The following TAFA4 variants were observed in gnomAD, a reference collection of about 807,000 sequenced individuals.
The protein encoded by TAFA4 is TAFA chemokine like family member 4, also known as chemokine-like protein TAFA-4.
A neutral mutation model predicts 21.1 loss-of-function variants in TAFA4; 20 were observed. The ratio of observed to expected loss-of-function variants is 0.95; its 90% CI spans 0.67 to 1.38. The LOEUF is 1.38. Among genes scored for constraint, TAFA4 ranks in the 40% most tolerant of loss-of-function variants. The probability of loss-of-function intolerance (pLI) is 0.00; values close to 1 mark genes in which losing one functional copy is unlikely to be tolerated. For synonymous variants in TAFA4, 71 were observed against 67.4 expected (o/e 1.05, Z -0.26); for missense variants, 211 against 180.9 (o/e 1.17, Z -0.95).
chr3:68,781,862 C>T (rs1437134658), intron 3 of TAFA4, among the ~76,000 whole-genome samples: 1 of 152,062 alleles, frequency 6.6e-6, no homozygotes, highest in African/African-American at 2.4e-5. Context: ...TCCTTTTAAA[C>T]ACTAGCAAAT....
intron 5 of TAFA4, 97 bp downstream of exon 5, chr3:68,738,978 A>C: frequency 6.5e-7 from 1 of 1,528,128 alleles, no homozygotes; most frequent in South Asian, 1.3e-5. Context: ...GTTTATTAAC[A>C]CATAATAATG....
chr3:68,766,695 TACC>T (rs1483395554), intron 3 of TAFA4, among the ~76,000 whole-genome samples: 1 of 152,116 alleles, frequency 6.6e-6, no homozygotes, highest in Non-Finnish European at 1.5e-5. Context: ...AGAGTAAAGA[TACC>T]ACCAAAGAAA....
At chr3:68,868,098 C>T (rs570199372) in intron 3 of TAFA4, among the ~76,000 whole-genome samples, 23 of 151,828 alleles carry the variant, frequency 1.5e-4, no homozygotes, top group Non-Finnish European at 8.8e-5. Flanking sequence ...AAGCTGCCTA[C>T]AAGAAATTCA....
chr3:68,764,737 T>G (rs1191782913), intron 3 of TAFA4, among the ~76,000 whole-genome samples: 1 of 152,192 alleles, frequency 6.6e-6, no homozygotes, highest in Non-Finnish European at 1.5e-5. Flanking sequence ...TGTAAAGGTT[T>G]CAAACTCAGC....
intron 1 of TAFA4, among the ~76,000 whole-genome samples, chr3:68,898,854 T>C (rs528511662): frequency 3.3e-5 from 5 of 152,144 alleles, no homozygotes; most frequent in South Asian, 4.1e-4. Context: ...AGACTCAGGA[T>C]TCCAAACTAG....
chr3:68,826,287 C>G (rs1704233511), intron 3 of TAFA4, among the ~76,000 whole-genome samples: 1 of 152,132 alleles, frequency 6.6e-6, no homozygotes, highest in African/African-American at 2.4e-5. Context: ...AGAAGGTTTA[C>G]TCAGGGCCGG....
chr3:68,731,991 TA>T lies in TAFA4; in HGVS notation c.*1150del, dbSNP rs1168640734. On this transcript the variant is annotated 3_prime_UTR_variant, in exon 6 of 6. Coordinates refer to ENST00000295569, the MANE Select transcript of TAFA4 (RefSeq NM_182522.5). ...ACTATGTTTTTGGCATTTCTTAATATATAAAATTCATCCCATATTTTTACAG... is the reference window on the plus strand; with the variant it reads ...ACTATGTTTTTGGCATTTCTTAATATTAAAATTCATCCCATATTTTTACAG... 1 of 152,360 alleles carries T rather than the reference TA, an allele frequency of 6.6e-6. No homozygotes were observed. The highest frequency in any genetic ancestry group is 1.9e-4 in the East Asian group (1 of 5,198). 9.4% of individuals were successfully genotyped at this position (152,360 alleles called of 1,614,324 possible).
rs199745741 is a variant in TAFA4 at position 68,883,751 on chromosome 3, C to CT, written c.14+1423dup. Among the ~76,000 whole-genome samples, 1,027 of 151,984 alleles carry CT rather than the reference C, an allele frequency of 6.8e-3. 6 individuals carry two copies. Among genetic ancestry groups the CT allele is most frequent in the African/African-American group, 0.024 (986 of 41,424 alleles). On this transcript the variant is annotated intron_variant, in intron 2 of 5. Transcript: ENST00000295569. ...AAGAAATAACCAGCAACGTATGGGA[C>CT]TTTTTTTTATTGTTTATACTATTGA...
chr3:68,800,569 G>C (rs1357065182), intron 3 of TAFA4, among the ~76,000 whole-genome samples: 1 of 152,208 alleles, frequency 6.6e-6, no homozygotes, highest in Non-Finnish European at 1.5e-5. Flanking sequence ...AGGAAACTGA[G>C]CCACAGAGTG....
At chr3:68,862,913 G>A (rs1170860759) in intron 3 of TAFA4, among the ~76,000 whole-genome samples, 1 of 151,548 alleles carries the variant, frequency 6.6e-6, no homozygotes, top group Admixed American at 6.6e-5. Context: ...CAGCTAAAAT[G>A]AGTAAGAATA....
rs1703683854 is a variant in TAFA4 at position 68,805,810 on chromosome 3, TG to T, written c.131-52793del. Among the ~76,000 whole-genome samples, 5 of 115,140 alleles carry T rather than the reference TG, an allele frequency of 4.3e-5. No individual in the cohort carries two copies. The South Asian group carries it at 1.1e-3, about 24-fold the overall frequency. The allele number at this position is 115,140 out of a possible 152,430, so 75.5% of individuals were successfully genotyped here. On this transcript the variant is annotated intron_variant, in intron 3 of 5. Transcript: ENST00000295569. ...TCACACTCTGGGGACTGTTGTGGGG[TG>T]GGGGGAGGAGAGGGGGATAGTATTA...
At chr3:68,876,652 C>CA (rs934173312) in intron 3 of TAFA4, among the ~76,000 whole-genome samples, 2 of 151,966 alleles carry the variant, frequency 1.3e-5, no homozygotes, top group African/African-American at 4.8e-5. Flanking sequence ...AACTGCTCTT[C>CA]AAAAAATTTA....
At chr3:68,855,216 GA>G (rs1234491634) in intron 3 of TAFA4, among the ~76,000 whole-genome samples, 1 of 152,006 alleles carries the variant, frequency 6.6e-6, no homozygotes, top group African/African-American at 2.4e-5. Flanking sequence ...TTACAAAAAA[GA>G]AAAAATACAA....
At position 68,779,107 on chromosome 3, in the gene TAFA4, A is replaced by G. The variant is rs1293582059; in HGVS notation, c.131-26089T>C. On this transcript the variant is annotated intron_variant, in intron 3 of 5. Coordinates refer to ENST00000295569, the MANE Select transcript of TAFA4 (RefSeq NM_182522.5). ...TTACTCTTGTTATGTTTTAGCAAAG[A>G]GAGTGGCAGCATTTTGCCCTGCCCT... Among the ~76,000 whole-genome samples, 3 of 152,220 alleles carry G rather than the reference A, an allele frequency of 2.0e-5. No individual in the cohort carries two copies. The East Asian group carries it at 5.8e-4, about 29-fold the overall frequency.
At chr3:68,894,227 G>A (rs1220736479) in intron 1 of TAFA4, among the ~76,000 whole-genome samples, 2 of 150,724 alleles carry the variant, frequency 1.3e-5, no homozygotes, top group Non-Finnish European at 2.9e-5. Flanking sequence ...GGCACAATCA[G>A]GGGTCACTGC....
At chr3:68,899,377 C>A (rs2106980314) in intron 1 of TAFA4, among the ~76,000 whole-genome samples, 1 of 151,646 alleles carries the variant, frequency 6.6e-6, no homozygotes, top group Non-Finnish European at 1.5e-5. Flanking sequence ...AGTGGTTTTC[C>A]ACAGACAATA....
intron 3 of TAFA4, among the ~76,000 whole-genome samples, chr3:68,783,410 T>G (rs1703185719): frequency 6.6e-6 from 1 of 152,098 alleles, no homozygotes; most frequent in African/African-American, 2.4e-5. Flanking sequence ...ACAGAGGAGC[T>G]TCATCCAGCC....
chr3:68,888,142 C>T (rs2089692776), intron 1 of TAFA4, among the ~76,000 whole-genome samples: 1 of 151,986 alleles, frequency 6.6e-6, no homozygotes, highest in Admixed American at 6.6e-5. Flanking sequence ...TCTTAAATTC[C>T]ATCTTCTAAT....
intron 5 of TAFA4, among the ~76,000 whole-genome samples, chr3:68,737,603 ATGTAT>A (rs1226852327): frequency 3.9e-5 from 6 of 152,192 alleles, no homozygotes; most frequent in African/African-American, 7.2e-5. Flanking sequence ...CCCATTTAAA[ATGTAT>A]TGTAGAATCA....
Sources: allele counts gnomAD v4.1 joint callset (sites outside exome capture counted in the v4.1 genomes callset), GRCh38; gene constraint gnomAD v4.1.1; transcripts MANE v1.5; gene names NCBI Gene and HGNC (gene_info 2026-07-23, HGNC 2026-07-21).